Variants in PTPRD observed in about 807,000 individuals in gnomAD.
PTPRD encodes protein tyrosine phosphatase receptor type D.
Under a neutral mutation model 214.5 loss-of-function variants are expected in PTPRD, and 34 were observed. That is an observed-to-expected ratio of 0.16 (90% confidence interval 0.12 to 0.21). PTPRD has a LOEUF of 0.21. Ranked by LOEUF, PTPRD falls within the 10% of genes least tolerant of loss-of-function variation. PTPRD has a pLI of 1.00. For synonymous variants in PTPRD, 1,128 were observed against 845.7 expected (o/e 1.33, Z -5.79); for missense variants, 2,545 against 2,398.7 (o/e 1.06, Z -1.27).
At chr9:9,022,843 C>T (rs549368795) in intron 10 of PTPRD, among the ~76,000 whole-genome samples, 8 of 152,102 alleles carry the variant, frequency 5.3e-5, no homozygotes, top group South Asian at 2.1e-4. Flanking sequence ...TTTACATATT[C>T]GTAGAGATCA....
intron 31 of PTPRD, among the ~76,000 whole-genome samples, chr9:8,469,649 T>C (rs368128298): frequency 6.6e-6 from 1 of 152,092 alleles, no homozygotes; most frequent in African/African-American, 2.4e-5. Flanking sequence ...GAATAATGAT[T>C]TTGTTCCTTC....
At chr9:8,721,433 A>G (rs1257632250) in intron 12 of PTPRD, among the ~76,000 whole-genome samples, 1 of 151,346 alleles carries the variant, frequency 6.6e-6, no homozygotes, top group African/African-American at 2.4e-5. Context: ...CCATTTCAAA[A>G]AAAAAAAAAA....
intron 9 of PTPRD, among the ~76,000 whole-genome samples, chr9:9,217,468 T>C (rs2099953065): frequency 6.6e-6 from 1 of 152,106 alleles, no homozygotes; most frequent in East Asian, 1.9e-4. Flanking sequence ...CTCAAATTCA[T>C]TATGTCCTCT....
At chr9:9,857,180 AT>A (rs1409613699) in intron 5 of PTPRD, among the ~76,000 whole-genome samples, 1 of 152,132 alleles carries the variant, frequency 6.6e-6, no homozygotes, top group Non-Finnish European at 1.5e-5. Flanking sequence ...ACAATTTCAA[AT>A]GCTTTGCCCT....
At chr9:8,702,752 C>T (rs1163751546) in intron 12 of PTPRD, among the ~76,000 whole-genome samples, 2 of 152,082 alleles carry the variant, frequency 1.3e-5, no homozygotes, top group Non-Finnish European at 2.9e-5. Flanking sequence ...GGATTACAGG[C>T]GCCCGCCACT....
intron 2 of PTPRD, among the ~76,000 whole-genome samples, chr9:10,385,440 C>CA (rs983703595): frequency 6.6e-6 from 1 of 151,538 alleles, no homozygotes; most frequent in African/African-American, 2.4e-5. Context: ...ATTTATTCAG[C>CA]AAAAAATGTA....
chr9:8,654,085 A>G (rs1276487675), intron 12 of PTPRD, among the ~76,000 whole-genome samples: 2 of 152,190 alleles, frequency 1.3e-5, no homozygotes, highest in Non-Finnish European at 2.9e-5. Context: ...CTTCTACCCA[A>G]TAGATAACAC....
At chr9:8,327,374 T>TTTGA (rs1290031952) in intron 44 of PTPRD, among the ~76,000 whole-genome samples, 8 of 152,084 alleles carry the variant, frequency 5.3e-5, no homozygotes, top group Admixed American at 1.3e-4. Flanking sequence ...TGAGTTCTAA[T>TTTGA]TTGATTGCAC....
chr9:9,555,047 G>A (rs911895917), intron 8 of PTPRD, among the ~76,000 whole-genome samples: 1 of 151,918 alleles, frequency 6.6e-6, no homozygotes, highest in African/African-American at 2.4e-5. Flanking sequence ...AGAAAATTTA[G>A]ACTCAGTTCT....
intron 5 of PTPRD, among the ~76,000 whole-genome samples, chr9:9,934,294 G>A (rs1433613181): frequency 1.3e-5 from 2 of 150,906 alleles, no homozygotes; most frequent in East Asian, 1.9e-4. Context: ...TCCAGGAGCT[G>A]GTTTTTTGAA....
intron 9 of PTPRD, among the ~76,000 whole-genome samples, chr9:9,364,386 T>C (rs1056038611): frequency 6.6e-6 from 1 of 151,402 alleles, no homozygotes; most frequent in African/African-American, 2.4e-5. Context: ...AGAGAAAGTA[T>C]GTCAGATATT....
At chr9:9,016,281 A>T (rs1035710023) in intron 11 of PTPRD, among the ~76,000 whole-genome samples, 4 of 152,174 alleles carry the variant, frequency 2.6e-5, no homozygotes, top group African/African-American at 9.6e-5. Context: ...TGCACTAAAA[A>T]TACTACATTT....
rs552010112 is a variant in PTPRD at position 8,822,629 on chromosome 9, C to G, written c.-103-88683G>C. Reference sequence around the variant, plus strand: ...ATGCTTACAAGTACAGTATCAATAACAATATTATTGAGGACTTATTTGTGT... The same window carrying G: ...ATGCTTACAAGTACAGTATCAATAAGAATATTATTGAGGACTTATTTGTGT... On this transcript the variant is annotated intron_variant, in intron 11 of 45. Coordinates refer to ENST00000381196, the MANE Select transcript of PTPRD (RefSeq NM_002839.4). Among the ~76,000 whole-genome samples the G allele has an allele frequency of 2.6e-5, 4 of 152,264 alleles. No individual in the cohort carries two copies. The East Asian group carries it at 7.7e-4, about 29-fold the overall frequency.
chr9:8,977,919 G>A (rs1254717178), intron 11 of PTPRD, among the ~76,000 whole-genome samples: 1 of 152,052 alleles, frequency 6.6e-6, no homozygotes, highest in Non-Finnish European at 1.5e-5. Flanking sequence ...AATACTCTCA[G>A]TTACAAATAT....
intron 44 of PTPRD, among the ~76,000 whole-genome samples, chr9:8,322,312 C>T (rs912579211): frequency 6.6e-6 from 1 of 152,082 alleles, no homozygotes; most frequent in Non-Finnish European, 1.5e-5. Context: ...AGCTTAAAGC[C>T]CAGATGTGCT....
chr9:8,407,068 G>C (rs2093055120), intron 35 of PTPRD, among the ~76,000 whole-genome samples: 2 of 152,094 alleles, frequency 1.3e-5, no homozygotes, highest in Admixed American at 1.3e-4. Context: ...TTCCACTCTT[G>C]CCACATGTTT....
intron 2 of PTPRD, among the ~76,000 whole-genome samples, chr9:10,573,924 C>T (rs185504997): frequency 2.6e-5 from 4 of 152,126 alleles, no homozygotes; most frequent in Admixed American, 2.6e-4. Context: ...GCACATGTAC[C>T]TTAAAACTTA....
At chr9:10,346,575 G>C (rs2097087692) in intron 2 of PTPRD, among the ~76,000 whole-genome samples, 1 of 152,180 alleles carries the variant, frequency 6.6e-6, no homozygotes, top group Non-Finnish European at 1.5e-5. Context: ...AAAATATAAA[G>C]TATGTTTGCA....
intron 5 of PTPRD, among the ~76,000 whole-genome samples, chr9:9,851,390 A>G (rs527323427): frequency 5.3e-5 from 8 of 152,322 alleles, no homozygotes; most frequent in South Asian, 4.1e-4. Flanking sequence ...CATTGAGTCA[A>G]TGGAGGATCA....
Sources: gnomAD v4.1 joint callset for allele counts (sites outside exome capture counted in the v4.1 genomes callset) on GRCh38, gnomAD v4.1.1 for gene constraint, MANE v1.5 for transcripts, NCBI Gene and HGNC (gene_info 2026-07-23, HGNC 2026-07-21) for gene names.